Variants in ASCC1 observed in about 807,000 individuals in gnomAD.
ASCC1 encodes ASC-1 complex subunit P50.
A neutral mutation model predicts 46.6 loss-of-function variants in ASCC1; 35 were observed. The ratio of observed to expected loss-of-function variants is 0.75; its 90% CI spans 0.57 to 0.99. ASCC1 has a LOEUF of 0.99. Ranked by LOEUF, ASCC1 falls within the 50% of genes least tolerant of loss-of-function variation. The pLI is 0.00. For missense variants in ASCC1, 376 were observed against 428.7 expected (o/e 0.88, Z 1.09); for synonymous variants, 143 against 146.6 (o/e 0.98, Z 0.18).
chr10:72,143,129 C>T lies in ASCC1; in HGVS notation c.746+9740G>A, dbSNP rs183823633. The stretch of plus-strand genomic sequence containing the variant: ...TGAGCAGAGATGGTGCCACTGCACT[C>T]GAGCCTGGGTGACAGAGCGAGACTC... On this transcript the variant is annotated intron_variant, in intron 7 of 9. Transcript: ENST00000672957. Among the ~76,000 whole-genome samples the T allele has an allele frequency of 7.3e-3, 1,037 of 142,184 alleles. 3 individuals are homozygous for T. Among genetic ancestry groups the T allele is most frequent in the South Asian group, 0.041 (186 of 4,514 alleles). The allele number at this position is 142,184 out of a possible 152,430, so 93.3% of individuals were successfully genotyped here.
chr10:72,183,365 A>G (rs1005103211), intron 5 of ASCC1, among the ~76,000 whole-genome samples: 1 of 152,088 alleles, frequency 6.6e-6, no homozygotes, highest in Admixed American at 6.5e-5. Flanking sequence ...CTTATTAGAA[A>G]CTATACCTGG....
intron 7 of ASCC1, among the ~76,000 whole-genome samples, chr10:72,142,227 TTAG>T (rs1343874997): frequency 6.6e-6 from 1 of 152,202 alleles, no homozygotes; most frequent in Non-Finnish European, 1.5e-5. Context: ...TTTGACCCAT[TTAG>T]TAGGATATTA....
chr10:72,212,459 G>A (rs1192557628), intron 2 of ASCC1, among the ~76,000 whole-genome samples: 1 of 151,714 alleles, frequency 6.6e-6, no homozygotes, highest in Non-Finnish European at 1.5e-5. Context: ...AAACCACGAT[G>A]TTCTACAAAA....
intron 9 of ASCC1, among the ~76,000 whole-genome samples, chr10:72,114,522 G>C (rs959952848): frequency 6.6e-6 from 1 of 151,864 alleles, no homozygotes; most frequent in Middle Eastern, 3.4e-3. Flanking sequence ...CTACTCGGGA[G>C]GCTGAGGCAG....
intron 9 of ASCC1, among the ~76,000 whole-genome samples, chr10:72,126,510 C>G (rs1007309775): frequency 6.6e-6 from 1 of 152,170 alleles, no homozygotes; most frequent in African/African-American, 2.4e-5. Flanking sequence ...ACTGCTCATA[C>G]GGCCACCCAA....
intron 5 of ASCC1, among the ~76,000 whole-genome samples, chr10:72,180,400 C>T (rs968070557): frequency 6.6e-6 from 1 of 151,960 alleles, no homozygotes; most frequent in African/African-American, 2.4e-5. Flanking sequence ...CCTAGGCAGG[C>T]AGATCACTTG....
At chr10:72,197,426 C>T (rs1171859842) in intron 4 of ASCC1, among the ~76,000 whole-genome samples, 3 of 130,708 alleles carry the variant, frequency 2.3e-5, no homozygotes, top group African/African-American at 8.7e-5. Flanking sequence ...CAAGATCGTG[C>T]TACTGCACTC....
intron 9 of ASCC1, among the ~76,000 whole-genome samples, chr10:72,108,164 C>T (rs1271063864): frequency 6.6e-6 from 1 of 151,502 alleles, no homozygotes; most frequent in Non-Finnish European, 1.5e-5. Flanking sequence ...GCAGCCTCCA[C>T]CTCCCAGGCG....
At chr10:72,150,803 T>A (rs1010372552) in intron 7 of ASCC1, among the ~76,000 whole-genome samples, 3 of 152,150 alleles carry the variant, frequency 2.0e-5, no homozygotes, top group African/African-American at 7.2e-5. Flanking sequence ...ATGAACACTT[T>A]TCAAAAGAAG....
Position 72,111,230 on chromosome 10 carries a change from G to A in ASCC1, c.958-13780C>T, listed in dbSNP as rs368072635. Among the ~76,000 whole-genome samples the A allele has an allele frequency of 2.8e-4, 42 of 152,324 alleles. No individual in the cohort carries two copies. The South Asian group carries it at 8.7e-3, about 32-fold the overall frequency. ...AGGCCAGGCGTGGTGGCTCATGCCT[G>A]TAATCCCAGCACTTTGCGGGGCCAA... is the stretch of plus-strand genomic sequence containing the variant. On this transcript the variant is annotated intron_variant, in intron 9 of 9. Transcript: ENST00000672957.
chr10:72,206,376 C>T (rs1157183426), intron 3 of ASCC1, among the ~76,000 whole-genome samples: 2 of 152,006 alleles, frequency 1.3e-5, no homozygotes, highest in African/African-American at 2.4e-5. Context: ...TGCACTCCAG[C>T]CTGGGCAACA....
At chr10:72,187,437 T>C (rs1447390152) in intron 5 of ASCC1, among the ~76,000 whole-genome samples, 1 of 143,998 alleles carries the variant, frequency 6.9e-6, no homozygotes, top group Non-Finnish European at 1.5e-5. Context: ...CCCCTTCTCT[T>C]AGGCCGGGCG....
chr10:72,111,187 A>G (rs959432099), intron 9 of ASCC1, among the ~76,000 whole-genome samples: 7 of 151,992 alleles, frequency 4.6e-5, no homozygotes, highest in Non-Finnish European at 8.8e-5. Context: ...GGCCACTACA[A>G]TTTAAGAAAT....
At chr10:72,163,590 C>G (rs1849970688) in intron 5 of ASCC1, among the ~76,000 whole-genome samples, 1 of 151,920 alleles carries the variant, frequency 6.6e-6, no homozygotes, top group Non-Finnish European at 1.5e-5. Context: ...CAAAAATTAG[C>G]CGGGTGTGGT....
chr10:72,185,707 CATAA>C (rs1000437665), intron 5 of ASCC1, among the ~76,000 whole-genome samples: 32 of 152,166 alleles, frequency 2.1e-4, no homozygotes, highest in African/African-American at 6.7e-4. Context: ...TTGAGGGTGA[CATAA>C]ATATTCAATA....
chr10:72,192,490 A>G (rs12780921), intron 5 of ASCC1, among the ~76,000 whole-genome samples: 6 of 151,644 alleles, frequency 4.0e-5, no homozygotes, highest in Non-Finnish European at 7.4e-5. Flanking sequence ...AGAAAAGAGA[A>G]CAACCCAATT....
intron 5 of ASCC1, chr10:72,180,905 C>G: frequency 5.1e-6 from 1 of 195,678 alleles, no homozygotes; most frequent in South Asian, 1.1e-4. Context: ...GTTCTGTTAA[C>G]GAAACTTTGG....
At chr10:72,144,720 A>T (rs942549117) in intron 7 of ASCC1, among the ~76,000 whole-genome samples, 8 of 151,960 alleles carry the variant, frequency 5.3e-5, no homozygotes, top group African/African-American at 1.7e-4. Flanking sequence ...CCTTGAAATT[A>T]AAAAAAACAC....
chr10:72,097,656 G>A (rs1841240717), intron 9 of ASCC1, among the ~76,000 whole-genome samples: 1 of 152,182 alleles, frequency 6.6e-6, no homozygotes, highest in Non-Finnish European at 1.5e-5. Flanking sequence ...TCTTCTCTCT[G>A]ATTAATTCTA....
Sources: allele counts gnomAD v4.1 joint callset (sites outside exome capture counted in the v4.1 genomes callset), GRCh38; gene constraint gnomAD v4.1.1; transcripts MANE v1.5; gene names NCBI Gene and HGNC (gene_info 2026-07-23, HGNC 2026-07-21).